Variants in YPEL2 observed in about 807,000 individuals in gnomAD.
The protein encoded by YPEL2 is yippee like 2.
A neutral mutation model predicts 19.1 loss-of-function variants in YPEL2; 2 were observed. The observed-to-expected ratio is 0.10, with a 90% CI of 0.04 to 0.33. YPEL2 has a LOEUF of 0.33. YPEL2 is among the 10% of genes least tolerant of loss of function. The probability of loss-of-function intolerance (pLI) is 1.00; values close to 1 mark genes in which losing one functional copy is unlikely to be tolerated. For synonymous variants in YPEL2, 52 were observed against 50.0 expected, an observed-to-expected ratio of 1.04 and a Z score of -0.17; for missense variants, 66 against 140.7, an observed-to-expected ratio of 0.47 and a Z score of 2.68.
intron 2 of YPEL2, among the ~76,000 whole-genome samples, chr17:59,376,949 CAAAAAAAAAAAAAA>C (rs59030676): frequency 3.1e-4 from 15 of 48,546 alleles, no homozygotes; most frequent in African/African-American, 7.7e-4. Context: ...CACACTGTCT[CAAAAAAAAAAAAAA>C]AAAAAAAAAA....
chr17:59,344,119 C>A (rs2047744684), intron 1 of YPEL2, among the ~76,000 whole-genome samples: 1 of 152,156 alleles, frequency 6.6e-6, no homozygotes, highest in African/African-American at 2.4e-5. Flanking sequence ...GTCTGGAACT[C>A]CTGGGCTCAA....
At chr17:59,394,448 A>G in intron 4 of YPEL2, among the ~76,000 whole-genome samples, 1 of 148,702 alleles carries the variant, frequency 6.7e-6, no homozygotes, top group East Asian at 2.0e-4. Context: ...CACTTCCTAG[A>G]TGGGATGGCG....
intron 1 of YPEL2, among the ~76,000 whole-genome samples, chr17:59,342,937 AG>A: frequency 6.6e-6 from 1 of 152,164 alleles, no homozygotes; most frequent in East Asian, 1.9e-4. Context: ...CCCGCCTGGG[AG>A]GGTCACTTGG....
intron 2 of YPEL2, among the ~76,000 whole-genome samples, chr17:59,383,894 C>CT (rs2047967262): frequency 6.6e-6 from 1 of 151,640 alleles, no homozygotes; most frequent in Non-Finnish European, 1.5e-5. Flanking sequence ...ATGGATATAC[C>CT]AATCTATTTA....
At position 59,353,772 on chromosome 17, in the gene YPEL2, C is replaced by T. The variant is rs944736565; in HGVS notation, c.117+246C>T. On this transcript the variant is annotated intron_variant, in intron 2 of 4. Coordinates refer to ENST00000312655, the MANE Select transcript of YPEL2 (RefSeq NM_001005404.4). The surrounding 1 kb of genome is among the most constrained non-coding windows in gnomAD (Gnocchi z 4.8). ...GGAGGCTTTGGGAGCTGGCAGCTTG[C>T]AAGCCAGAGAAGGGAGGGGCTGGGG... 1 of 467,426 alleles carries T rather than the reference C, an allele frequency of 2.1e-6. No homozygotes were observed. The highest frequency in any genetic ancestry group is 2.0e-5 in the African/African-American group (1 of 50,722). The allele number at this position is 467,426 out of a possible 1,614,324, so 29.0% of individuals were successfully genotyped here.
chr17:59,388,510 G>T (rs2047992374), intron 3 of YPEL2, 140 bp downstream of exon 3: 1 of 850,016 alleles, frequency 1.2e-6, no homozygotes, highest in Admixed American at 1.9e-5. Context: ...GTCCACAATT[G>T]GTAGTCAGTT....
intron 2 of YPEL2, among the ~76,000 whole-genome samples, chr17:59,374,782 ACTT>A (rs2047912533): frequency 6.6e-6 from 1 of 152,330 alleles, no homozygotes; most frequent in African/African-American, 2.4e-5. Context: ...CAGATGAGGA[ACTT>A]TTGACCCGAA....
chr17:59,358,671 A>C (rs2047825240), intron 2 of YPEL2, among the ~76,000 whole-genome samples: 4 of 151,772 alleles, frequency 2.6e-5, no homozygotes, highest in Admixed American at 6.6e-5. Flanking sequence ...GTACAGTGGC[A>C]CAATCTTGAC....
At chr17:59,357,679 A>G (rs189571389) in intron 2 of YPEL2, among the ~76,000 whole-genome samples, 100 of 152,344 alleles carry the variant, frequency 6.6e-4, no homozygotes, top group African/African-American at 2.1e-3. Context: ...ATTTTAGTGG[A>G]CATAATCTAT....
chr17:59,371,951 C>T (rs909388252), intron 2 of YPEL2, among the ~76,000 whole-genome samples: 4 of 152,200 alleles, frequency 2.6e-5, no homozygotes, highest in African/African-American at 9.7e-5. Context: ...TGAATTCCCA[C>T]CTCCTCCTCT....
At chr17:59,338,009 A>G (rs1230530137) in intron 1 of YPEL2, among the ~76,000 whole-genome samples, 1 of 152,192 alleles carries the variant, frequency 6.6e-6, no homozygotes, top group Non-Finnish European at 1.5e-5. Context: ...CTCTGAAACG[A>G]GACAGAGCAG....
intron 4 of YPEL2, among the ~76,000 whole-genome samples, chr17:59,393,730 G>A (rs1257968666): frequency 6.7e-6 from 1 of 148,566 alleles, no homozygotes; most frequent in African/African-American, 2.5e-5. Flanking sequence ...CGAGCATGCT[G>A]CCTTCAAGCA....
At chr17:59,364,419 T>C in intron 2 of YPEL2, among the ~76,000 whole-genome samples, 1 of 152,190 alleles carries the variant, frequency 6.6e-6, no homozygotes, top group African/African-American at 2.4e-5. Context: ...CTTTTCTTCA[T>C]TTATCCAAAT....
In YPEL2 at chr17:59,369,116, A is replaced by C. The variant is rs1567748047; in HGVS notation, c.117+15590A>C. On this transcript the variant is annotated intron_variant, in intron 2 of 4. Transcript: ENST00000312655. ...ATCTGACACTCCTGGCTTCTTGAGT[A>C]AGGCTCCCCAAATCATTGAAAGCGG... Among the ~76,000 whole-genome samples the C allele has an allele frequency of 2.0e-5, 3 of 152,030 alleles. No homozygotes were observed. The East Asian group carries it at 5.8e-4, about 29-fold the overall frequency.
intron 1 of YPEL2, among the ~76,000 whole-genome samples, chr17:59,340,702 A>T (rs1256228074): frequency 6.8e-6 from 1 of 147,826 alleles, no homozygotes; most frequent in Non-Finnish European, 1.5e-5. Context: ...GGCGTGAGCC[A>T]CCGCACCCAG....
intron 2 of YPEL2, among the ~76,000 whole-genome samples, chr17:59,358,599 T>G: frequency 6.6e-6 from 1 of 151,866 alleles, no homozygotes; most frequent in Non-Finnish European, 1.5e-5. Flanking sequence ...GTTTTTTTTT[T>G]GGTTGTTGTT....
intron 2 of YPEL2, among the ~76,000 whole-genome samples, chr17:59,384,601 G>A (rs918932250): frequency 6.6e-6 from 1 of 152,162 alleles, no homozygotes; most frequent in African/African-American, 2.4e-5. Context: ...ACCAGTCCAG[G>A]GAAGGTCCTA....
At chr17:59,357,232 G>A (rs1009272859) in intron 2 of YPEL2, among the ~76,000 whole-genome samples, 1 of 152,176 alleles carries the variant, frequency 6.6e-6, no homozygotes, top group Non-Finnish European at 1.5e-5. Flanking sequence ...ACAAGGGGGT[G>A]GGTTGGAGGG....
chr17:59,364,152 C>A (rs1442131314), intron 2 of YPEL2, among the ~76,000 whole-genome samples: 1 of 152,162 alleles, frequency 6.6e-6, no homozygotes, highest in Admixed American at 6.5e-5. Context: ...GTCCTGGAGT[C>A]ATAGATGCTC....
Sources: allele counts gnomAD v4.1 joint callset (sites outside exome capture counted in the v4.1 genomes callset), GRCh38; gene constraint gnomAD v4.1.1; non-coding constraint Gnocchi (gnomAD v3.1); transcripts MANE v1.5; gene names NCBI Gene and HGNC (gene_info 2026-07-23, HGNC 2026-07-21).